ADAMTSL1: variants seen among roughly 807,000 people sequenced by gnomAD.
The protein encoded by ADAMTSL1 is ADAMTS-like protein 1.
Under a neutral mutation model 201.8 loss-of-function variants are expected in ADAMTSL1, and 126 were observed. The observed-to-expected ratio is 0.62, with a 90% CI of 0.54 to 0.72. The LOEUF (loss-of-function observed/expected upper bound fraction) is 0.72. Among genes scored for constraint, ADAMTSL1 ranks in the 30% least tolerant of loss-of-function variants. The pLI, the probability that ADAMTSL1 is intolerant of heterozygous loss-of-function variation, is 0.00. For missense variants in ADAMTSL1, 2,679 were observed against 2,277.8 expected (o/e 1.18, Z -3.59); for synonymous variants, 1,121 against 903.4 (o/e 1.24, Z -4.32).
At chr9:18,772,888 G>A (rs1455676247) in intron 17 of ADAMTSL1, among the ~76,000 whole-genome samples, 4 of 152,172 alleles carry the variant, frequency 2.6e-5, no homozygotes, top group African/African-American at 9.7e-5. Context: ...TCCAACGAAT[G>A]TTACTAGCTT....
intron 2 of ADAMTSL1, among the ~76,000 whole-genome samples, chr9:18,411,162 C>CTTA (rs144070742): frequency 7.0e-6 from 1 of 142,312 alleles, no homozygotes; most frequent in Non-Finnish European, 1.5e-5. Flanking sequence ...GCACCCAGCC[C>CTTA]TTTATTTATT....
At chr9:17,976,627 C>T (rs2840787) in intron 1 of ADAMTSL1, among the ~76,000 whole-genome samples, 127,315 of 151,636 alleles carry the variant, frequency 0.84, 53,678 homozygotes, top group East Asian at 0.94. Flanking sequence ...GTCCTAACAG[C>T]TTTTTGGTGA....
chr9:18,485,055 A>G (rs1166842914), intron 1 of ADAMTSL1, among the ~76,000 whole-genome samples: 1 of 152,182 alleles, frequency 6.6e-6, no homozygotes, highest in African/African-American at 2.4e-5. Context: ...ATACTGCATT[A>G]AATTATCTAA....
At chr9:18,514,996 C>A (rs1818278596) in intron 2 of ADAMTSL1, among the ~76,000 whole-genome samples, 1 of 152,136 alleles carries the variant, frequency 6.6e-6, no homozygotes, top group Non-Finnish European at 1.5e-5. Flanking sequence ...TAAATTTTGC[C>A]AAATGATTTT....
chr9:18,489,180 T>A (rs1822145415), intron 1 of ADAMTSL1, among the ~76,000 whole-genome samples: 1 of 152,172 alleles, frequency 6.6e-6, no homozygotes, highest in South Asian at 2.1e-4. Context: ...AATTGAATAT[T>A]TAAAGGGTTC....
intron 26 of ADAMTSL1, 111 bp downstream of exon 26, chr9:18,892,707 C>G (rs1829363369): frequency 1.6e-6 from 2 of 1,278,926 alleles, no homozygotes; most frequent in African/African-American, 1.5e-5. Flanking sequence ...CTTTCACATT[C>G]TGATTGGCCA....
chr9:18,800,377 C>CAAAAAAA lies in ADAMTSL1; in HGVS notation c.3805+4874_3805+4880dup, dbSNP rs58346548. Reference sequence around the variant, plus strand: ...GGGCAACAAGAGGAAAACTCCATCTCAAAAAAAAAAAAAAAAAAAAAAAAA... The same window carrying CAAAAAAA: ...GGGCAACAAGAGGAAAACTCCATCTCAAAAAAAAAAAAAAAAAAAAAAAAAAAAAAAA... On this transcript the variant is annotated intron_variant, in intron 20 of 28. Coordinates refer to ENST00000380548, the MANE Select transcript of ADAMTSL1 (RefSeq NM_001040272.6). Among the ~76,000 whole-genome samples, 474 of 60,608 alleles carry CAAAAAAA rather than the reference C, an allele frequency of 7.8e-3. 9 individuals are homozygous for CAAAAAAA. Among genetic ancestry groups the CAAAAAAA allele is most frequent in the East Asian group, 0.025 (28 of 1,102 alleles). The allele number at this position is 60,608 out of a possible 152,430, so 39.8% of individuals were successfully genotyped here. A position where few individuals can be genotyped will look rare whatever the true frequency, so the allele number is the denominator to read the frequency against.
intron 4 of ADAMTSL1, among the ~76,000 whole-genome samples, chr9:18,614,388 T>C (rs1211837482): frequency 6.6e-6 from 1 of 152,174 alleles, no homozygotes; most frequent in East Asian, 1.9e-4. Flanking sequence ...TCAACTCTGG[T>C]GACAACAAAT....
intron 4 of ADAMTSL1, among the ~76,000 whole-genome samples, chr9:18,605,218 T>C (rs543656549): frequency 2.0e-5 from 3 of 152,266 alleles, no homozygotes; most frequent in African/African-American, 7.2e-5. Flanking sequence ...TGCATACCAA[T>C]GGGGTATTTC....
intron 2 of ADAMTSL1, among the ~76,000 whole-genome samples, chr9:18,508,376 C>G (rs1209096100): frequency 2.0e-5 from 3 of 152,030 alleles, no homozygotes; most frequent in Admixed American, 2.0e-4. Context: ...TGGAGCAAGT[C>G]CCCTTTGGTA....
At chr9:18,399,296 TATATATATATATATA>T (rs989779499) in intron 2 of ADAMTSL1, among the ~76,000 whole-genome samples, 4 of 100,118 alleles carry the variant, frequency 4.0e-5, no homozygotes, top group Non-Finnish European at 8.1e-5. Context: ...TATATATATA[TATATATATATATATA>T]TATATATATA....
At chr9:18,886,894 T>TTACC (rs1828934667) in intron 23 of ADAMTSL1, among the ~76,000 whole-genome samples, 2 of 152,228 alleles carry the variant, frequency 1.3e-5, no homozygotes, top group Admixed American at 6.5e-5. Context: ...ATGAGTGTAC[T>TTACC]TTCTAAAAAT....
chr9:18,106,735 A>G (rs1242445396), intron 1 of ADAMTSL1, among the ~76,000 whole-genome samples: 3 of 152,222 alleles, frequency 2.0e-5, no homozygotes, highest in African/African-American at 7.2e-5. Flanking sequence ...GTAACTTACA[A>G]ATATCTAATG....
intron 1 of ADAMTSL1, among the ~76,000 whole-genome samples, chr9:17,917,035 T>A (rs1826122242): frequency 6.6e-6 from 1 of 152,180 alleles, no homozygotes. Flanking sequence ...AATGACATTT[T>A]AAAAAATTTT....
At chr9:18,366,209 A>G (rs76549875) in intron 2 of ADAMTSL1, among the ~76,000 whole-genome samples, 12,376 of 152,026 alleles carry the variant, frequency 0.081, 684 homozygotes, top group Middle Eastern at 0.14. Context: ...GGGTTTATGC[A>G]CATAAACCCA....
intron 2 of ADAMTSL1, among the ~76,000 whole-genome samples, chr9:18,211,836 T>C (rs1188812570): frequency 6.6e-6 from 1 of 152,214 alleles, no homozygotes. Context: ...AACTTACACA[T>C]TCCCAAAGCA....
At chr9:18,254,142 A>G (rs974285007) in intron 2 of ADAMTSL1, among the ~76,000 whole-genome samples, 4 of 151,896 alleles carry the variant, frequency 2.6e-5, no homozygotes, top group African/African-American at 4.8e-5. Context: ...CTTAGACTCA[A>G]TTTCCTCCCC....
Position 17,908,258 on chromosome 9 carries a change from C to A in ADAMTSL1, c.87+1336C>A, listed in dbSNP as rs578096859. ...CACCATGCTTCGTTCCTTGTCAGGG[C>A]TTCCCAGCCATGGCTGCACAGTAGA... On this transcript the variant is annotated intron_variant, in intron 1 of 29. Transcript: ENST00000680146. Among the ~76,000 whole-genome samples, 28 of 152,314 alleles carry A rather than the reference C, an allele frequency of 1.8e-4. 1 individual carries two copies. The highest frequency in any genetic ancestry group is 3.4e-3 in the Middle Eastern group (1 of 294).
intron 1 of ADAMTSL1, among the ~76,000 whole-genome samples, chr9:18,477,906 G>C (rs925311686): frequency 6.6e-6 from 1 of 152,006 alleles, no homozygotes; most frequent in African/African-American, 2.4e-5. Flanking sequence ...GTCCAATAGT[G>C]GTCACTAGTG....
Sources: gnomAD v4.1 joint callset for allele counts (sites outside exome capture counted in the v4.1 genomes callset) on GRCh38, gnomAD v4.1.1 for gene constraint, MANE v1.5 for transcripts, NCBI Gene and HGNC (gene_info 2026-07-23, HGNC 2026-07-21) for gene names.